UBN2: variants seen among roughly 807,000 people sequenced by gnomAD.
UBN2 encodes ubinuclein 2.
UBN2 carries 35 observed loss-of-function variants against 120.2 expected under a neutral mutation model. The observed-to-expected ratio is 0.29, with a 90% confidence interval of 0.22 to 0.39. UBN2 has a LOEUF of 0.39. Ranked by LOEUF, UBN2 falls within the 10% of genes least tolerant of loss-of-function variation. The pLI, the probability that UBN2 is intolerant of heterozygous loss-of-function variation, is 1.00. For synonymous variants in UBN2, 661 were observed against 648.7 expected, an observed-to-expected ratio of 1.02 and a Z score of -0.29; for missense variants, 1,693 against 1,663.2, an observed-to-expected ratio of 1.02 and a Z score of -0.31.
rs1797407844 is a variant in UBN2 at position 139,275,271 on chromosome 7, C to CT, written c.1974-825dup. On this transcript the variant is annotated intron_variant, in intron 11 of 17. Transcript: ENST00000473989. ...CCACCTGGGCAACAAGAGCAAAACT[C>CT]TGTCTCAAAAAAAAAAAAAAAAAAA... Among the ~76,000 whole-genome samples, 3 of 129,010 alleles carry CT rather than the reference C, an allele frequency of 2.3e-5. No individual in the cohort carries two copies. In the South Asian group the frequency reaches 7.4e-4, roughly 32 times the overall value. 84.6% of individuals were successfully genotyped at this position (129,010 alleles called of 152,430 possible).
At chr7:139,270,378 C>G (rs556401836) in intron 8 of UBN2, among the ~76,000 whole-genome samples, 214 of 151,502 alleles carry the variant, frequency 1.4e-3, no homozygotes, top group Non-Finnish European at 2.3e-3. Context: ...AAGCAATTCT[C>G]CTGTCTCAGC....
chr7:139,243,632 G>A (rs1563203454), intron 2 of UBN2, among the ~76,000 whole-genome samples: 2 of 152,204 alleles, frequency 1.3e-5, no homozygotes, highest in South Asian at 2.1e-4. Flanking sequence ...GGGAACTGGA[G>A]GGTGGAGAAT....
the UBN2 span, among the ~76,000 whole-genome samples, chr7:139,325,917 G>C: frequency 6.6e-6 from 1 of 152,090 alleles, no homozygotes; most frequent in Non-Finnish European, 1.5e-5. Context: ...ATTGCACCGG[G>C]CGGTGGCTCA....
At chr7:139,265,360 C>G (rs1797063921) in intron 6 of UBN2, among the ~76,000 whole-genome samples, 1 of 152,090 alleles carries the variant, frequency 6.6e-6, no homozygotes, top group African/African-American at 2.4e-5. Flanking sequence ...CACCTGTAGT[C>G]CCAGCTACTT....
chr7:139,242,298 G>T lies in UBN2; in HGVS notation c.561+5201G>T, dbSNP rs538943038. Among the ~76,000 whole-genome samples the T allele has an allele frequency of 2.0e-5, 3 of 152,196 alleles. No homozygotes were observed. In the East Asian group the frequency reaches 5.8e-4, roughly 29 times the overall value. On this transcript the variant is annotated intron_variant, in intron 2 of 17. Transcript: ENST00000473989. The stretch of plus-strand genomic sequence containing the variant: ...ATCAATTACTCATATTATTTTAGTT[G>T]ATCATCCACACTTGCTGAGGGGTTA...
At chr7:139,272,146 G>T in intron 8 of UBN2, among the ~76,000 whole-genome samples, 176 bp from the exon 9 acceptor site, 1 of 152,064 alleles carries the variant, frequency 6.6e-6, no homozygotes, top group African/African-American at 2.4e-5. Flanking sequence ...TTCTAATTTT[G>T]TATCCAGTGT....
At chr7:139,260,197 C>G (rs1406991085) in intron 5 of UBN2, among the ~76,000 whole-genome samples, 3 of 152,016 alleles carry the variant, frequency 2.0e-5, no homozygotes, top group Non-Finnish European at 4.4e-5. Context: ...CTCCTGGGAT[C>G]AAGGGATCCT....
the UBN2 span, among the ~76,000 whole-genome samples, chr7:139,323,175 C>T: frequency 1.3e-5 from 2 of 152,006 alleles, no homozygotes; most frequent in Admixed American, 6.6e-5. Context: ...AATTGTTGGC[C>T]GGGTGCAGTG....
At chr7:139,266,702 A>G (rs886290378) in intron 7 of UBN2, among the ~76,000 whole-genome samples, 1 of 152,232 alleles carries the variant, frequency 6.6e-6, no homozygotes, top group African/African-American at 2.4e-5. Context: ...ATATGAAAGT[A>G]TCTTTCTGGG....
At chr7:139,232,769 G>GA (rs773099535) in intron 1 of UBN2, among the ~76,000 whole-genome samples, 6 of 152,184 alleles carry the variant, frequency 3.9e-5, no homozygotes, top group African/African-American at 9.6e-5. Context: ...GGAGGATGAT[G>GA]AAAAAAATGT....
the UBN2 span, among the ~76,000 whole-genome samples, chr7:139,325,991 G>C: frequency 2.0e-5 from 3 of 151,756 alleles, no homozygotes; most frequent in Non-Finnish European, 4.4e-5. Flanking sequence ...AGGGGTTTGA[G>C]ACCAGCCTGG....
intron 2 of UBN2, among the ~76,000 whole-genome samples, chr7:139,247,787 AGTG>A (rs1796511583): frequency 6.6e-6 from 1 of 152,106 alleles, no homozygotes; most frequent in Non-Finnish European, 1.5e-5. Flanking sequence ...TAGTAGTCAG[AGTG>A]ATTTTGTTAA....
chr7:139,294,935 A>G (rs975226159), intron 17 of UBN2, among the ~76,000 whole-genome samples: 2 of 152,230 alleles, frequency 1.3e-5, no homozygotes, highest in African/African-American at 4.8e-5. Context: ...CAGATTAGGC[A>G]ATGTGCATAA....
intron 2 of UBN2, among the ~76,000 whole-genome samples, chr7:139,244,899 T>G (rs984722529): frequency 2.0e-5 from 3 of 152,022 alleles, no homozygotes; most frequent in Non-Finnish European, 4.4e-5. Flanking sequence ...TCTTGTTACC[T>G]TCTATATTAA....
At chr7:139,273,122 T>C (rs987355000) in intron 9 of UBN2, among the ~76,000 whole-genome samples, 175 bp from the exon 10 acceptor site, 1 of 152,210 alleles carries the variant, frequency 6.6e-6, no homozygotes, top group Non-Finnish European at 1.5e-5. Flanking sequence ...AAGTCCTTAT[T>C]TACCAAACTA....
intron 6 of UBN2, among the ~76,000 whole-genome samples, chr7:139,263,852 ATG>A (rs1797012442): frequency 1.3e-5 from 2 of 151,970 alleles, no homozygotes; most frequent in Non-Finnish European, 2.9e-5. Context: ...GTTTATATAC[ATG>A]TGTGACTACT....
At chr7:139,281,899 G>T in intron 13 of UBN2, 106 bp from the exon 14 acceptor site, 1 of 986,972 alleles carries the variant, frequency 1.0e-6, no homozygotes, top group Non-Finnish European at 1.6e-6. Context: ...CTTCCAATTG[G>T]TAGTGAGGTT....
chr7:139,242,200 AAAT>A (rs1796338790), intron 2 of UBN2, among the ~76,000 whole-genome samples: 2 of 152,248 alleles, frequency 1.3e-5, no homozygotes, highest in Middle Eastern at 3.2e-3. Flanking sequence ...AACTGTCTTC[AAAT>A]GTGAAACTGA....
At chr7:139,317,229 C>T in the UBN2 span, among the ~76,000 whole-genome samples, 1 of 152,122 alleles carries the variant, frequency 6.6e-6, no homozygotes. Flanking sequence ...GCCACCCAAG[C>T]TGGAGTGCAC....
Sources: gnomAD v4.1 joint callset for allele counts (sites outside exome capture counted in the v4.1 genomes callset) on GRCh38, gnomAD v4.1.1 for gene constraint, MANE v1.5 for transcripts, NCBI Gene and HGNC (gene_info 2026-07-23, HGNC 2026-07-21) for gene names.